MAP4: variants seen among roughly 807,000 people sequenced by gnomAD.
The protein encoded by MAP4 is microtubule-associated protein 4.
A neutral mutation model predicts 170.2 loss-of-function variants in MAP4; 76 were observed. The ratio of observed to expected loss-of-function variants is 0.45; its 90% CI spans 0.37 to 0.54. The LOEUF (loss-of-function observed/expected upper bound fraction) is 0.54, where lower values mean the gene tolerates loss of function less well. Ranked by LOEUF, MAP4 falls within the 20% of genes least tolerant of loss-of-function variation. The pLI is 0.00. For missense variants in MAP4, 2,506 were observed against 2,748.0 expected (o/e 0.91, Z 1.97); for synonymous variants, 909 against 994.5 (o/e 0.91, Z 1.62).
intron 12 of MAP4, 63 bp downstream of exon 12, chr3:47,875,622 C>T: frequency 7.4e-7 from 1 of 1,356,908 alleles, no homozygotes; most frequent in East Asian, 2.4e-5. Flanking sequence ...CAACAAGGAT[C>T]TGTCTATCTG....
At chr3:47,869,101 A>T in intron 16 of MAP4, 113 bp downstream of exon 16, 4 of 800,666 alleles carry the variant, frequency 5.0e-6, no homozygotes, top group Non-Finnish European at 8.5e-6. Flanking sequence ...AGGGGAGAAG[A>T]AGTAGAAACT....
At chr3:47,966,474 C>G (rs2100075114) in intron 3 of MAP4, among the ~76,000 whole-genome samples, 1 of 151,912 alleles carries the variant, frequency 6.6e-6, no homozygotes, top group Admixed American at 6.6e-5. Context: ...GTCTCGATCT[C>G]CTGACCTCAT....
intron 1 of MAP4, among the ~76,000 whole-genome samples, chr3:48,005,629 T>C (rs2100101889): frequency 6.6e-6 from 1 of 152,148 alleles, no homozygotes. Flanking sequence ...ATGCCTGATA[T>C]CTCTTGGTTT....
intron 3 of MAP4, among the ~76,000 whole-genome samples, chr3:47,968,451 A>G (rs1406462653): frequency 2.0e-5 from 3 of 152,236 alleles, no homozygotes; most frequent in African/African-American, 7.2e-5. Context: ...AGATTGGGGA[A>G]TGCACAAATA....
intron 3 of MAP4, among the ~76,000 whole-genome samples, chr3:47,962,835 G>A (rs918670461): frequency 1.3e-5 from 2 of 152,132 alleles, no homozygotes; most frequent in Non-Finnish European, 2.9e-5. Flanking sequence ...ATGCCTGTTC[G>A]TTTTACACAG....
chr3:48,080,201 C>G (rs1438019839), intron 1 of MAP4, among the ~76,000 whole-genome samples: 1 of 152,136 alleles, frequency 6.6e-6, no homozygotes, highest in African/African-American at 2.4e-5. Flanking sequence ...CAATCATTAT[C>G]CGGAAAATCT....
chr3:47,966,228 C>CCTTTTT (rs2100074861), intron 3 of MAP4, among the ~76,000 whole-genome samples: 1 of 50,220 alleles, frequency 2.0e-5, no homozygotes, highest in Non-Finnish European at 3.6e-5. Context: ...CCCACACTAC[C>CCTTTTT]TTTTTTTTTT....
At chr3:48,007,563 G>A (rs1050253062) in intron 1 of MAP4, among the ~76,000 whole-genome samples, 24 of 152,170 alleles carry the variant, frequency 1.6e-4, no homozygotes, top group African/African-American at 5.8e-4. Context: ...ATGTGTCAGT[G>A]GCAGATGGGG....
At chr3:47,892,755 G>T in intron 10 of MAP4, 1 of 1,286,170 alleles carries the variant, frequency 7.8e-7, no homozygotes, top group African/African-American at 1.5e-5. Flanking sequence ...ACTTTAATCT[G>T]AGAATGTAAT....
rs747227454 is a variant in MAP4 at position 47,909,288 on chromosome 3, C to T, written c.5133G>A (p.Thr1711=). ...VEAPPSEVAD[T]LVIMTASKGV... ...CCTTGGAAGCAGTCATTATTACTAACGTATCCGCCACCTCTGAAGGAGGAG... is the reference window on the plus strand; with the variant it reads ...CCTTGGAAGCAGTCATTATTACTAATGTATCCGCCACCTCTGAAGGAGGAG... The change falls in exon 9 of 21, where the codon ACG becomes ACA. Residue 1711 remains threonine (T), a synonymous_variant. Coordinates refer to ENST00000683076, the MANE Select transcript of MAP4 (RefSeq NM_001385682.1). 5.0e-6 allele frequency: 8 copies of T among 1,613,760 alleles called. No homozygotes were observed. The highest frequency in any genetic ancestry group is 1.1e-5 in the South Asian group (1 of 91,088).
At chr3:47,871,689 C>G (rs945366149) in intron 13 of MAP4, among the ~76,000 whole-genome samples, 11 of 152,208 alleles carry the variant, frequency 7.2e-5, no homozygotes, top group African/African-American at 2.7e-4. Context: ...TTTCTGCCTT[C>G]ACTCAAGATT....
chr3:47,998,497 C>T (rs933624321), intron 2 of MAP4, 141 bp downstream of exon 2: 5 of 668,430 alleles, frequency 7.5e-6, no homozygotes, highest in South Asian at 7.4e-5. Flanking sequence ...TCTACCTCCT[C>T]GGTATCTAAC....
At chr3:48,072,370 G>A (rs540963554) in intron 1 of MAP4, among the ~76,000 whole-genome samples, 63 of 151,472 alleles carry the variant, frequency 4.2e-4, no homozygotes, top group African/African-American at 1.1e-3. Flanking sequence ...GTGTGGCAGC[G>A]TGTGCCTGTA....
intron 3 of MAP4, among the ~76,000 whole-genome samples, chr3:47,944,266 C>T (rs980431171): frequency 3.3e-5 from 5 of 152,016 alleles, no homozygotes; most frequent in African/African-American, 1.2e-4. Flanking sequence ...GCCAAGATCA[C>T]GTCACTGCAC....
At position 48,032,457 on chromosome 3, in the gene MAP4, C is replaced by T. The variant is rs1028023251; in HGVS notation, c.-19-33578G>A. Among the ~76,000 whole-genome samples, 6 of 150,946 alleles carry T rather than the reference C, an allele frequency of 4.0e-5. No homozygotes were observed. In the South Asian group the frequency reaches 1.1e-3, roughly 27 times the overall value. On this transcript the variant is annotated intron_variant, in intron 1 of 18. Transcript: ENST00000360240. ...GCGGAGGTTGCAGTTAGCCCAAGAT[C>T]GCACCACTACACTCCAGCCTGGGCA...
chr3:48,072,192 C>A (rs890768528), intron 1 of MAP4, among the ~76,000 whole-genome samples: 1 of 151,834 alleles, frequency 6.6e-6, no homozygotes, highest in Non-Finnish European at 1.5e-5. Context: ...AACTCCATCT[C>A]AAAAATACTA....
intron 10 of MAP4, among the ~76,000 whole-genome samples, chr3:47,896,252 G>A (rs1486762006): frequency 2.0e-5 from 3 of 152,284 alleles, no homozygotes; most frequent in Non-Finnish European, 4.4e-5. Flanking sequence ...CAAGAAGGCC[G>A]GGCGCGGTGG....
chr3:48,061,865 A>G (rs1167888280), intron 1 of MAP4, among the ~76,000 whole-genome samples: 10 of 77,258 alleles, frequency 1.3e-4, no homozygotes, highest in Admixed American at 3.7e-4. Context: ...CCGGCCAGCC[A>G]CCCCGTCCGG....
chr3:47,868,922 G>A (rs987542258), intron 16 of MAP4, among the ~76,000 whole-genome samples: 29 of 152,204 alleles, frequency 1.9e-4, no homozygotes, highest in African/African-American at 6.5e-4. Flanking sequence ...TCACATCAAG[G>A]TCAGTGTGAA....
Sources: allele counts gnomAD v4.1 joint callset (sites outside exome capture counted in the v4.1 genomes callset), GRCh38; gene constraint gnomAD v4.1.1; transcripts MANE v1.5; gene names NCBI Gene and HGNC (gene_info 2026-07-23, HGNC 2026-07-21).